The following NBEA variants were observed in gnomAD, a reference collection of about 807,000 sequenced individuals.
NBEA encodes the protein neurobeachin.
In NBEA, 44 loss-of-function variants were observed where a neutral mutation model predicts 343.4. The ratio of observed to expected loss-of-function variants is 0.13; its 90% CI spans 0.10 to 0.16. The LOEUF (loss-of-function observed/expected upper bound fraction) is 0.16. Ranked by LOEUF, NBEA falls within the 10% of genes least tolerant of loss-of-function variation. The pLI, the probability that NBEA is intolerant of heterozygous loss-of-function variation, is 1.00. For missense variants in NBEA, 2,555 were observed against 3,631.3 expected, an observed-to-expected ratio of 0.70 and a Z score of 7.62; for synonymous variants, 1,175 against 1,238.7, an observed-to-expected ratio of 0.95 and a Z score of 1.08.
intron 10 of NBEA, 65 bp downstream of exon 10, chr13:35,070,917 C>T: frequency 1.3e-6 from 2 of 1,532,984 alleles, no homozygotes; most frequent in Non-Finnish European, 1.8e-6. Flanking sequence ...GCATGATGTA[C>T]TCAGTGCTGT....
intron 38 of NBEA, among the ~76,000 whole-genome samples, chr13:35,430,281 T>C (rs1167434523): frequency 1.3e-5 from 2 of 152,218 alleles, no homozygotes; most frequent in Admixed American, 6.5e-5. Flanking sequence ...TGTCTATTCA[T>C]GTCCTTAGCC....
At position 35,210,772 on chromosome 13, in the gene NBEA, A is replaced by T. The variant is rs189699961; in HGVS notation, c.5522-281A>T. ...TGCATTGTTTTATCAGCATCATTTT[A>T]TCGAAAAATTTTTTCATTTCTTGAT... On this transcript the variant is annotated intron_variant, in intron 32 of 58. Coordinates refer to ENST00000379939, the MANE Select transcript of NBEA (RefSeq NM_001385012.1). Among the ~76,000 whole-genome samples, 454 of 152,276 alleles carry T rather than the reference A, an allele frequency of 3.0e-3. 2 individuals carry two copies. Among genetic ancestry groups the T allele is most frequent in the Admixed American group, 6.7e-3 (103 of 15,260 alleles).
intron 18 of NBEA, among the ~76,000 whole-genome samples, chr13:35,148,987 T>C (rs992068253): frequency 1.3e-5 from 2 of 149,918 alleles, no homozygotes; most frequent in Non-Finnish European, 2.9e-5. Flanking sequence ...ATTTTTTCTC[T>C]ATTTTATCAG....
chr13:34,956,016 C>A (rs990192727), intron 1 of NBEA, among the ~76,000 whole-genome samples: 1 of 152,134 alleles, frequency 6.6e-6, no homozygotes, highest in Admixed American at 6.5e-5. Flanking sequence ...TATCAACTCT[C>A]CCTTTTATTT....
At chr13:35,635,061 A>G (rs1382867614) in intron 49 of NBEA, among the ~76,000 whole-genome samples, 1 of 152,228 alleles carries the variant, frequency 6.6e-6, no homozygotes, top group Non-Finnish European at 1.5e-5. Flanking sequence ...CATAAAATTT[A>G]TAAGACAAAA....
chr13:35,475,781 A>C (rs1352035145), intron 41 of NBEA: 2 of 1,613,732 alleles, frequency 1.2e-6, no homozygotes, highest in Non-Finnish European at 1.7e-6. Context: ...AGGTAGCCGG[A>C]GGCGGTAATG....
intron 1 of NBEA, among the ~76,000 whole-genome samples, chr13:35,035,356 C>G (rs944596440): frequency 1.3e-5 from 2 of 151,682 alleles, no homozygotes; most frequent in Non-Finnish European, 3.0e-5. Flanking sequence ...TAGTTTTATT[C>G]CGTTGTTGTC....
At chr13:35,096,883 G>C (rs1485667322) in intron 10 of NBEA, among the ~76,000 whole-genome samples, 1 of 151,850 alleles carries the variant, frequency 6.6e-6, no homozygotes, top group African/African-American at 2.4e-5. Context: ...AGATTCCTTG[G>C]TAGTTGTATT....
intron 29 of NBEA, among the ~76,000 whole-genome samples, chr13:35,183,331 A>C (rs1295613602): frequency 6.6e-6 from 1 of 152,032 alleles, no homozygotes; most frequent in Non-Finnish European, 1.5e-5. Context: ...CACTGGATTA[A>C]TTTGTAGTTG....
At chr13:35,286,517 C>T (rs973251701) in intron 34 of NBEA, among the ~76,000 whole-genome samples, 1 of 151,998 alleles carries the variant, frequency 6.6e-6, no homozygotes, top group Non-Finnish European at 1.5e-5. Flanking sequence ...GAACATTCTG[C>T]TAGAGATGGA....
intron 10 of NBEA, among the ~76,000 whole-genome samples, chr13:35,082,956 C>A (rs1393372432): frequency 6.6e-6 from 1 of 152,120 alleles, no homozygotes; most frequent in Non-Finnish European, 1.5e-5. Flanking sequence ...GCTTTTGTTG[C>A]CATTGCTTTT....
intron 53 of NBEA, among the ~76,000 whole-genome samples, chr13:35,652,732 T>G (rs1357804509): frequency 4.2e-5 from 5 of 120,070 alleles, no homozygotes; most frequent in Non-Finnish European, 8.4e-5. Flanking sequence ...TCTCGCTCTG[T>G]CGCCCAGGCT....
chr13:35,110,583 A>G (rs530784187), intron 12 of NBEA, among the ~76,000 whole-genome samples: 1 of 152,166 alleles, frequency 6.6e-6, no homozygotes, highest in South Asian at 2.1e-4. Flanking sequence ...TAATTGCCAC[A>G]GCTGTTGGAC....
At chr13:35,086,807 T>A (rs968494550) in intron 10 of NBEA, among the ~76,000 whole-genome samples, 5 of 152,012 alleles carry the variant, frequency 3.3e-5, no homozygotes, top group African/African-American at 1.2e-4. Context: ...CACCAGCACC[T>A]GTTATTTTTT....
chr13:35,413,910 G>A (rs1201676954), intron 38 of NBEA, among the ~76,000 whole-genome samples: 1 of 152,124 alleles, frequency 6.6e-6, no homozygotes, highest in Non-Finnish European at 1.5e-5. Context: ...CCTTCCTAGT[G>A]TTGACACTGG....
intron 33 of NBEA, among the ~76,000 whole-genome samples, chr13:35,215,099 A>T (rs191779791): frequency 1.0e-4 from 15 of 148,678 alleles, no homozygotes; most frequent in Non-Finnish European, 1.8e-4. Flanking sequence ...TCCTGTAACT[A>T]TTTTTTTTTT....
intron 34 of NBEA, among the ~76,000 whole-genome samples, chr13:35,245,187 C>T (rs960731328): frequency 9.9e-5 from 15 of 151,910 alleles, no homozygotes; most frequent in African/African-American, 3.6e-4. Flanking sequence ...TATGTGAATC[C>T]TTATGTGTCA....
intron 39 of NBEA, among the ~76,000 whole-genome samples, chr13:35,433,064 T>TA (rs2045224108): frequency 6.6e-6 from 1 of 152,088 alleles, no homozygotes; most frequent in Non-Finnish European, 1.5e-5. Flanking sequence ...GTCTCCTACT[T>TA]ACAGTATCAT....
At chr13:35,513,205 C>T (rs1210920276) in intron 41 of NBEA, among the ~76,000 whole-genome samples, 26 of 149,672 alleles carry the variant, frequency 1.7e-4, no homozygotes, top group Non-Finnish European at 3.3e-4. Context: ...GGCGCAACCT[C>T]GGCTCGCTGC....
Sources: gnomAD v4.1 joint callset for allele counts (sites outside exome capture counted in the v4.1 genomes callset) on GRCh38, gnomAD v4.1.1 for gene constraint, MANE v1.5 for transcripts, NCBI Gene and HGNC (gene_info 2026-07-23, HGNC 2026-07-21) for gene names.